Variants in LRP2 observed in about 807,000 individuals in gnomAD.
LRP2 encodes low-density lipoprotein receptor-related protein 2.
Under a neutral mutation model 531.0 loss-of-function variants are expected in LRP2, and 172 were observed. The observed-to-expected ratio is 0.32, with a 90% CI of 0.29 to 0.37. The LOEUF is 0.37. Among genes scored for constraint, LRP2 ranks in the 10% least tolerant of loss-of-function variants. LRP2 has a pLI of 1.00. For synonymous variants in LRP2, 1,992 were observed against 2,027.6 expected, an observed-to-expected ratio of 0.98 and a Z score of 0.47; for missense variants, 5,167 against 5,868.3, an observed-to-expected ratio of 0.88 and a Z score of 3.90.
chr2:169,279,523 G>C lies in LRP2; in HGVS notation c.1414C>G (p.Leu472Val), dbSNP rs968969535. Residue 472 changes from leucine (L) to valine (V), a missense_variant, in exon 12 of 79, where the codon CTG (leucine) becomes GTG (valine). By Grantham distance (32) the Leu-to-Val change is conservative. Coordinates refer to ENST00000649046, the MANE Select transcript of LRP2 (RefSeq NM_004525.3). Reference protein sequence around the residue: ...LNVSVETPENLAVDWVNNKIY... With the variant: ...LNVSVETPENVAVDWVNNKIY... The stretch of plus-strand genomic sequence containing the variant: ...TTATTATTAACCCAGTCCACAGCCA[G>C]GTTCTCTGGGGTTTCAACAGAAACA... 1.2e-6 allele frequency: 2 copies of C among 1,613,610 alleles called. No homozygotes were observed. Among genetic ancestry groups the C allele is most frequent in the Non-Finnish European group, 1.7e-6 (2 of 1,179,758 alleles).
At chr2:169,333,864 TGAG>T (rs772402777) in intron 1 of LRP2, among the ~76,000 whole-genome samples, 52 of 152,314 alleles carry the variant, frequency 3.4e-4, no homozygotes, top group Middle Eastern at 3.4e-3. Flanking sequence ...TCAAATAGCA[TGAG>T]GAGGTCTCCA....
rs1351754246 is a variant in LRP2 at position 169,182,300 on chromosome 2, C to T, written c.9865G>A (p.Ala3289Thr). 1.2e-6 allele frequency: 2 copies of T among 1,613,740 alleles called. No homozygotes were observed. The highest frequency in any genetic ancestry group is 8.5e-7 in the Non-Finnish European group (1 of 1,179,918). Residue 3289 changes from alanine to threonine, a missense_variant, in exon 51 of 79, where the codon GCC (alanine) becomes ACC (threonine). Ala to Thr is a moderately conservative substitution (Grantham distance 58). Coordinates refer to ENST00000649046, the MANE Select transcript of LRP2 (RefSeq NM_004525.3). ...GAGACAAAGAGGCCATCCAGGCGGG[C>T]ATCCAACCAGTAGAGCTTTCTAAAA... ...WVSRKLYWLD[A>T]RLDGLFVSDL...
Position 169,142,802 on chromosome 2 carries a change from C to T in LRP2, c.12989-9G>A, listed in dbSNP as rs752178785. The stretch of plus-strand genomic sequence containing the variant: ...TTTGCAAAGGTTGGGCACTGGAAAG[C>T]GGGTGAGAACAGCAGTTAGGTCCTG... On this transcript the variant is annotated splice_polypyrimidine_tract_variant and intron_variant, in intron 70 of 78. Transcript: ENST00000649046. 40 of 1,613,498 alleles carry T rather than the reference C, an allele frequency of 2.5e-5. No individual in the cohort carries two copies. Among genetic ancestry groups the T allele is most frequent in the South Asian group, 6.6e-5 (6 of 91,044 alleles).
rs73970127 is a variant in LRP2, at chr2:169,139,466, T to G, written c.13267+77A>C. On this transcript the variant is annotated intron_variant, in intron 73 of 78. Coordinates refer to ENST00000649046, the MANE Select transcript of LRP2 (RefSeq NM_004525.3). ...AGAACCACTCCTTCAAAGACTGGGT[T>G]AAGTAGAAAAGCTGTGACAGCATTC... 1.4e-3 allele frequency: 2,221 copies of G among 1,612,596 alleles called. 28 individuals carry two copies. In the African/African-American group the frequency reaches 0.026, roughly 19 times the overall value.
intron 16 of LRP2, among the ~76,000 whole-genome samples, chr2:169,263,616 G>A (rs2105421551): frequency 6.7e-6 from 1 of 149,036 alleles, no homozygotes; most frequent in African/African-American, 2.4e-5. Flanking sequence ...GAGAGGATGT[G>A]GAGAAATAGG....
chr2:169,226,747 T>C lies in LRP2; in HGVS notation c.5228-159A>G, dbSNP rs554983696. Among the ~76,000 whole-genome samples the C allele has an allele frequency of 2.0e-5, 3 of 152,318 alleles. No homozygotes were observed. In the East Asian group the frequency reaches 5.8e-4, roughly 29 times the overall value. ...TACTTCATCAGACAAGCATGGGCCT[T>C]TCCCAGGGTTTCAGTGGGCTGCTGG... On this transcript the variant is annotated intron_variant, in intron 31 of 78. Transcript: ENST00000649046.
At position 169,185,580 on chromosome 2, in the gene LRP2, C is replaced by T. The variant is rs906572341; in HGVS notation, c.9768G>A (p.Leu3256=). ...TQRQVIERMF[L]NKTNKETIIN... Reference sequence around the variant, plus strand: ...TGATTGTCTCCTTGTTTGTCTTATTCAGAAACATTCTCTCAATGACTTGCC... The same window carrying T: ...TGATTGTCTCCTTGTTTGTCTTATTTAGAAACATTCTCTCAATGACTTGCC... Residue 3256 remains leucine (L), a synonymous_variant, in exon 50 of 79, where the codon CTG becomes CTA. Coordinates refer to ENST00000649046, the MANE Select transcript of LRP2 (RefSeq NM_004525.3). 1.9e-6 allele frequency: 3 copies of T among 1,614,010 alleles called. No homozygotes were observed. The highest frequency in any genetic ancestry group is 2.5e-6 in the Non-Finnish European group (3 of 1,179,998).
At chr2:169,326,903 C>T (rs1259328943) in intron 1 of LRP2, among the ~76,000 whole-genome samples, 1 of 151,336 alleles carries the variant, frequency 6.6e-6, no homozygotes, top group Non-Finnish European at 1.5e-5. Context: ...CTCTGCCCGG[C>T]GGCGACCCCG....
Position 169,292,870 on chromosome 2 carries a change from A to G in LRP2, c.653-501T>C, listed in dbSNP as rs143499256. ...AAAAAAAAAAAAAATTAAAAACAAG[A>G]TGGTTTGCAATGCGTTGGCACAGAA... On this transcript the variant is annotated intron_variant, in intron 6 of 78. Coordinates refer to ENST00000649046, the MANE Select transcript of LRP2 (RefSeq NM_004525.3). Among the ~76,000 whole-genome samples the G allele has an allele frequency of 2.8e-4, 42 of 150,328 alleles. No homozygotes were observed. In the East Asian group the frequency reaches 7.3e-3, roughly 26 times the overall value.
chr2:169,177,097 T>C (rs1378505882), intron 53 of LRP2, among the ~76,000 whole-genome samples: 1 of 152,212 alleles, frequency 6.6e-6, no homozygotes, highest in Non-Finnish European at 1.5e-5. Flanking sequence ...GAATATTAAC[T>C]TCCAGAAAGA....
Position 169,169,756 on chromosome 2 carries a change from G to T in LRP2, c.11443C>A (p.Leu3815Met), listed in dbSNP as rs1365452628. ...CTSGHCVHSE[L>M]KCDGSADCLD... ...CAGTCAGCGGATCCATCGCATTTCA[G>T]TTCACTGTGTACACAATGTCCACTT... Residue 3815 changes from leucine (L) to methionine (M), a missense_variant, in exon 60 of 79, where the codon CTG becomes ATG. By Grantham distance (15) the Leu-to-Met change is conservative (BLOSUM62 2). Transcript: ENST00000649046. The T allele has an allele frequency of 1.2e-5, 19 of 1,614,006 alleles. No homozygotes were observed. Among genetic ancestry groups the T allele is most frequent in the Non-Finnish European group, 1.4e-5 (17 of 1,179,998 alleles).
Position 169,279,543 on chromosome 2 carries a change from G to A in LRP2, c.1394C>T (p.Ser465Phe), listed in dbSNP as rs1683643728. Residue 465 changes from serine (S) to phenylalanine (F), a missense_variant, in exon 12 of 79, where the codon TCT becomes TTT. This residue lies in a region of LRP2 where 2,811 missense variants were observed against 3,058.0 expected (regional missense o/e 0.92). Transcript: ENST00000649046. ...AGCCAGGTTCTCTGGGGTTTCAACA[G>A]AAACATTGAGAACCTCTTGGATATT... The part of the protein sequence containing the change: ...GLNIQEVLNV[S>F]VETPENLAVD... 2 of 1,613,906 alleles carry A rather than the reference G, an allele frequency of 1.2e-6. No individual in the cohort carries two copies. The highest frequency in any genetic ancestry group is 1.7e-6 in the Non-Finnish European group (2 of 1,179,902).
At position 169,209,516 on chromosome 2, in the gene LRP2, T is replaced by C. The variant is rs1483844661; in HGVS notation, c.6406A>G (p.Asn2136Asp). The C allele has an allele frequency of 6.2e-7, 1 of 1,614,140 alleles. No individual in the cohort carries two copies. Among genetic ancestry groups the C allele is most frequent in the Admixed American group, 1.7e-5 (1 of 60,014 alleles). Residue 2136 changes from asparagine to aspartate, a missense_variant, in exon 38 of 79, where the codon AAC becomes GAC. Physicochemically the swap from Asn to Asp is conservative, Grantham distance 23. This residue lies in a region of LRP2 where 2,811 missense variants were observed against 3,058.0 expected (regional missense o/e 0.92). Coordinates refer to ENST00000649046, the MANE Select transcript of LRP2 (RefSeq NM_004525.3). ...TCTCCTATTCCATGTGTCACAATGT[T>C]CATCAGAGAAGATCCATCTGGTTTA... ...RIKPDGSSLM[N>D]IVTHGIGENG...
intron 19 of LRP2, 95 bp from the exon 20 acceptor site, chr2:169,247,610 C>A: frequency 7.9e-7 from 1 of 1,273,502 alleles, no homozygotes; most frequent in South Asian, 1.2e-5. Flanking sequence ...ATGCTTCTTG[C>A]AAGTACGATC....
At chr2:169,298,869 A>G (rs534641222) in intron 4 of LRP2, among the ~76,000 whole-genome samples, 4 of 151,954 alleles carry the variant, frequency 2.6e-5, no homozygotes, top group South Asian at 2.1e-4. Flanking sequence ...CGACTCCCCA[A>G]ACCCCCATTC....
intron 30 of LRP2, among the ~76,000 whole-genome samples, chr2:169,232,209 TAA>T (rs202073364): frequency 0.35 from 51,263 of 147,850 alleles, 8,930 homozygotes; most frequent in South Asian, 0.6. Context: ...CTTTTTGCAT[TAA>T]AAAAAAAAAA....
chr2:169,170,306 G>A (rs1263019259), intron 59 of LRP2, among the ~76,000 whole-genome samples: 4 of 152,164 alleles, frequency 2.6e-5, no homozygotes, highest in Non-Finnish European at 5.9e-5. Context: ...CCTAAGAAGT[G>A]TTGATATTAA....
chr2:169,329,154 T>C (rs1685199009), intron 1 of LRP2, among the ~76,000 whole-genome samples: 1 of 152,200 alleles, frequency 6.6e-6, no homozygotes, highest in Non-Finnish European at 1.5e-5. Flanking sequence ...ATCAGAGAAG[T>C]CTTCACAAAG....
chr2:169,225,992 C>G (rs1156507375), intron 32 of LRP2, among the ~76,000 whole-genome samples: 1 of 152,172 alleles, frequency 6.6e-6, no homozygotes. Context: ...ACTAAATTCC[C>G]TTAGGGAGCT....
Sources: gnomAD v4.1 joint callset for allele counts (sites outside exome capture counted in the v4.1 genomes callset) on GRCh38, gnomAD v4.1.1 for gene constraint, gnomAD v4.1.1 regional missense constraint, MANE v1.5 for transcripts, NCBI Gene and HGNC (gene_info 2026-07-23, HGNC 2026-07-21) for gene names.